The following ZFYVE1 variants were observed in gnomAD, a reference collection of about 807,000 sequenced individuals.
ZFYVE1 encodes zinc finger FYVE-type containing 1.
Under a neutral mutation model 74.4 loss-of-function variants are expected in ZFYVE1, and 30 were observed. The ratio of observed to expected loss-of-function variants is 0.40; its 90% CI spans 0.30 to 0.55. The LOEUF is 0.55. Among genes scored for constraint, ZFYVE1 ranks in the 20% least tolerant of loss-of-function variants. The pLI, the probability that ZFYVE1 is intolerant of heterozygous loss-of-function variation, is 0.42. For missense variants in ZFYVE1, 703 were observed against 1,011.6 expected (o/e 0.69, Z 4.14); for synonymous variants, 335 against 385.1 (o/e 0.87, Z 1.52).
At chr14:72,983,414 A>C (rs1893394154) in intron 4 of ZFYVE1, among the ~76,000 whole-genome samples, 1 of 129,604 alleles carries the variant, frequency 7.7e-6, no homozygotes, top group African/African-American at 3.0e-5. Flanking sequence ...AAGTGTTCTC[A>C]TTGTTCAATT....
intron 2 of ZFYVE1, among the ~76,000 whole-genome samples, chr14:73,019,382 C>T (rs775288942): frequency 1.7e-4 from 26 of 151,132 alleles, no homozygotes; most frequent in Non-Finnish European, 1.2e-4. Context: ...AGGAATTCAA[C>T]GCCAGCCTGG....
At chr14:73,008,951 C>T (rs2140378218) in intron 2 of ZFYVE1, among the ~76,000 whole-genome samples, 1 of 152,316 alleles carries the variant, frequency 6.6e-6, no homozygotes, top group Non-Finnish European at 1.5e-5. Flanking sequence ...TTCCCACCCA[C>T]CACCTCTGTT....
intron 2 of ZFYVE1, among the ~76,000 whole-genome samples, chr14:73,022,505 T>C (rs1382447173): frequency 2.0e-5 from 3 of 152,190 alleles, no homozygotes; most frequent in Non-Finnish European, 2.9e-5. Flanking sequence ...CTGGATACTA[T>C]GTGCCAGACT....
rs1892993018 is a variant in ZFYVE1, at chr14:72,970,135, G to T, written c.*747C>A. On this transcript the variant is annotated 3_prime_UTR_variant, in exon 12 of 12. Coordinates refer to ENST00000556143, the MANE Select transcript of ZFYVE1 (RefSeq NM_021260.4). ...AGGAAGCCCTGCTGGAGAAGGCTCA[G>T]TTCCTTCCTTGCTGTTCCCTGGGGG... The T allele has an allele frequency of 4.5e-6, 1 of 223,338 alleles. No individual in the cohort carries two copies. Among genetic ancestry groups the T allele is most frequent in the Non-Finnish European group, 8.9e-6 (1 of 112,362 alleles). 13.8% of individuals were successfully genotyped at this position (223,338 alleles called of 1,614,324 possible).
Position 72,975,487 on chromosome 14 carries a change from G to C in ZFYVE1, c.1806+64C>G, listed in dbSNP as rs1031129332. On this transcript the variant is annotated intron_variant, in intron 9 of 11. Transcript: ENST00000556143. The surrounding 1 kb of genome is among the most constrained non-coding windows in gnomAD (Gnocchi z 4.1). ...CCCTCACAGAACAAGCTTAGCACAG[G>C]GCAAAGCGGCATTAAGTAGGATGGG... is the stretch of plus-strand genomic sequence containing the variant. The C allele has an allele frequency of 1.9e-6, 3 of 1,550,070 alleles. No homozygotes were observed. Among genetic ancestry groups the C allele is most frequent in the Non-Finnish European group, 2.6e-6 (3 of 1,146,576 alleles).
intron 4 of ZFYVE1, among the ~76,000 whole-genome samples, chr14:72,982,407 A>C (rs1282581288): frequency 2.0e-5 from 3 of 152,202 alleles, no homozygotes; most frequent in Non-Finnish European, 4.4e-5. Flanking sequence ...AAAAAGAAGA[A>C]GAATTATTAT....
At chr14:72,971,868 TCAGA>T (rs1893042960) in intron 11 of ZFYVE1, among the ~76,000 whole-genome samples, 1 of 151,900 alleles carries the variant, frequency 6.6e-6, no homozygotes, top group South Asian at 2.1e-4. Flanking sequence ...GGCTCTGGAG[TCAGA>T]CACTCAAATC....
At position 73,007,974 on chromosome 14, in the gene ZFYVE1, G is replaced by A. The variant is rs1894014319; in HGVS notation, c.484-9659C>T. ...ACGGGGTTGGTCTCACAAACACACT[G>A]AGCACATTTGGCAGGGGCAAAGATC... On this transcript the variant is annotated intron_variant, in intron 2 of 11. Coordinates refer to ENST00000556143, the MANE Select transcript of ZFYVE1 (RefSeq NM_021260.4). Among the ~76,000 whole-genome samples, 3 of 152,156 alleles carry A rather than the reference G, an allele frequency of 2.0e-5. No homozygotes were observed. The South Asian group carries it at 6.2e-4, about 31-fold the overall frequency.
chr14:73,010,995 A>G (rs1194646915), intron 2 of ZFYVE1, among the ~76,000 whole-genome samples: 1 of 151,936 alleles, frequency 6.6e-6, no homozygotes, highest in Admixed American at 6.6e-5. Context: ...TTCATTTTAC[A>G]AAGGAACAAA....
intron 4 of ZFYVE1, among the ~76,000 whole-genome samples, chr14:72,984,204 G>A (rs1893418266): frequency 6.6e-6 from 1 of 152,096 alleles, no homozygotes; most frequent in Non-Finnish European, 1.5e-5. Flanking sequence ...TAATGCATAA[G>A]TCCTATACTT....
Position 73,007,161 on chromosome 14 carries a change from C to T in ZFYVE1, c.484-8846G>A, listed in dbSNP as rs983307533. Among the ~76,000 whole-genome samples, 6 of 152,038 alleles carry T rather than the reference C, an allele frequency of 3.9e-5. No homozygotes were observed. The East Asian group carries it at 5.8e-4, about 15-fold the overall frequency. ...CATTCTAGAATGAAAGACCATGTACCGGCTCTGTTCCAAGGAGGCCTGAAA... is the reference window on the plus strand; with the variant it reads ...CATTCTAGAATGAAAGACCATGTACTGGCTCTGTTCCAAGGAGGCCTGAAA... On this transcript the variant is annotated intron_variant, in intron 2 of 11. Coordinates refer to ENST00000556143, the MANE Select transcript of ZFYVE1 (RefSeq NM_021260.4).
At chr14:73,008,794 A>C (rs920158832) in intron 2 of ZFYVE1, among the ~76,000 whole-genome samples, 2 of 152,186 alleles carry the variant, frequency 1.3e-5, no homozygotes, top group Non-Finnish European at 2.9e-5. Flanking sequence ...AGTAAGCAGA[A>C]TGGTCTTTCA....
In ZFYVE1 at chr14:72,998,176, A is replaced by G; in HGVS notation, c.623T>C (p.Phe208Ser). The G allele has an allele frequency of 6.2e-7, 1 of 1,614,050 alleles. No homozygotes were observed. The highest frequency in any genetic ancestry group is 8.5e-7 in the Non-Finnish European group (1 of 1,180,016). Reference sequence around the variant, plus strand: ...GGACTCCTGGGTCGGGGAGGTTTTAAAGACTTCACGACCATAAAAGAAAGT... The same window carrying G: ...GGACTCCTGGGTCGGGGAGGTTTTAGAGACTTCACGACCATAAAAGAAAGT... ...NHTFFYGREVFKTSPTQESCT... is the reference protein window; with the variant it reads ...NHTFFYGREVSKTSPTQESCT... Residue 208 changes from phenylalanine (F) to serine (S), a missense_variant, in exon 3 of 12, where the codon TTT becomes TCT. By Grantham distance (155) the Phe-to-Ser change is radical. Around this residue, in one of 2 missense-constraint regions of ZFYVE1, gnomAD observed 492 missense variants for 790.0 expected, o/e 0.62. Transcript: ENST00000556143.
chr14:72,979,047 C>T, intron 5 of ZFYVE1, 78 bp from the exon 6 acceptor site: 2 of 1,304,408 alleles, frequency 1.5e-6, no homozygotes, highest in South Asian at 1.2e-5. Context: ...TGACCCTGAG[C>T]CAGGCACAAG....
chr14:73,015,627 G>A (rs1264996826), intron 2 of ZFYVE1, among the ~76,000 whole-genome samples: 3 of 151,926 alleles, frequency 2.0e-5, no homozygotes, highest in African/African-American at 7.2e-5. Context: ...CAAGTGATCC[G>A]CCCGCCTCAG....
chr14:73,010,555 G>A (rs2333018), intron 2 of ZFYVE1, among the ~76,000 whole-genome samples: 41,898 of 151,396 alleles, frequency 0.28, 6,621 homozygotes, highest in Middle Eastern at 0.39. Flanking sequence ...AGCTGAGATC[G>A]CACCATTGCA....
At chr14:73,025,071 C>CT (rs397961476) in intron 1 of ZFYVE1, 129 bp from the exon 2 acceptor site, 6,186 of 134,632 alleles carry the variant, frequency 0.046, 221 homozygotes, top group East Asian at 0.2. Flanking sequence ...TCTTTTTTTT[C>CT]TTTTTTTTTT....
chr14:73,015,552 T>A (rs1894185437), intron 2 of ZFYVE1, among the ~76,000 whole-genome samples: 1 of 151,904 alleles, frequency 6.6e-6, no homozygotes, highest in Admixed American at 6.6e-5. Flanking sequence ...CCCAGCTGAT[T>A]TCTGTATTTT....
chr14:72,993,477 TG>T, intron 3 of ZFYVE1, 120 bp from the exon 4 acceptor site: 1 of 823,348 alleles, frequency 1.2e-6, no homozygotes, highest in Non-Finnish European at 1.8e-6. Context: ...CCAAGGTGGG[TG>T]GATCACCCGA....
Sources: allele counts gnomAD v4.1 joint callset (sites outside exome capture counted in the v4.1 genomes callset), GRCh38; gene constraint gnomAD v4.1.1; regional missense constraint gnomAD v4.1.1; non-coding constraint Gnocchi (gnomAD v3.1); transcripts MANE v1.5; gene names NCBI Gene and HGNC (gene_info 2026-07-23, HGNC 2026-07-21).